Variants in RYR3 observed in about 807,000 individuals in gnomAD.
The protein encoded by RYR3 is ryanodine receptor 3, also known as brain ryanodine receptor-calcium release channel.
RYR3 carries 207 observed loss-of-function variants against 584.3 expected under a neutral mutation model. The observed-to-expected ratio is 0.35, with a 90% CI of 0.32 to 0.40. The LOEUF is 0.40. Among genes scored for constraint, RYR3 ranks in the 10% least tolerant of loss-of-function variants. The probability of loss-of-function intolerance (pLI) is 1.00; values close to 1 mark genes in which losing one functional copy is unlikely to be tolerated. For missense variants in RYR3, 5,616 were observed against 6,089.2 expected, an observed-to-expected ratio of 0.92 and a Z score of 2.59; for synonymous variants, 2,416 against 2,248.5, an observed-to-expected ratio of 1.07 and a Z score of -2.11.
At position 33,631,360 on chromosome 15, in the gene RYR3, G is replaced by T. The variant is rs2061257002; in HGVS notation, c.2867+67G>T. The T allele has an allele frequency of 2.8e-6, 3 of 1,069,970 alleles. No individual in the cohort carries two copies. The Admixed American group carries it at 6.2e-5, about 22-fold the overall frequency. The allele number at this position is 1,069,970 out of a possible 1,614,324, so 66.3% of individuals were successfully genotyped here. Reference sequence around the variant, plus strand: ...CAGCCTGGATTTTTAATCCAGGAGGGTGGTACCAAGACAGACAACAGCCCA... The same window carrying T: ...CAGCCTGGATTTTTAATCCAGGAGGTTGGTACCAAGACAGACAACAGCCCA... On this transcript the variant is annotated intron_variant, in intron 23 of 103. Coordinates refer to ENST00000634891, the MANE Select transcript of RYR3 (RefSeq NM_001036.6).
intron 1 of RYR3, among the ~76,000 whole-genome samples, chr15:33,326,442 C>T (rs569019101): frequency 6.6e-6 from 1 of 152,000 alleles, no homozygotes; most frequent in Non-Finnish European, 1.5e-5. Context: ...ATCTAAGGAA[C>T]TAACAAGAAA....
At chr15:33,573,083 A>T (rs1014197950) in intron 12 of RYR3, among the ~76,000 whole-genome samples, 1 of 150,554 alleles carries the variant, frequency 6.6e-6, no homozygotes, top group African/African-American at 2.4e-5. Context: ...ATTTTGCCCA[A>T]TTTTTTTATT....
At chr15:33,484,747 T>C (rs2050267627) in intron 2 of RYR3, among the ~76,000 whole-genome samples, 1 of 152,090 alleles carries the variant, frequency 6.6e-6, no homozygotes, top group African/African-American at 2.4e-5. Flanking sequence ...ATAGGGCATA[T>C]ATTGGAGGAG....
chr15:33,767,084 A>G (rs916040253), intron 60 of RYR3, among the ~76,000 whole-genome samples: 2 of 152,270 alleles, frequency 1.3e-5, no homozygotes, highest in African/African-American at 2.4e-5. Flanking sequence ...TTTTGTGTTT[A>G]CACAGAACAT....
intron 1 of RYR3, among the ~76,000 whole-genome samples, chr15:33,423,189 A>C (rs1173116520): frequency 2.0e-5 from 3 of 152,072 alleles, no homozygotes; most frequent in African/African-American, 7.2e-5. Context: ...GGTAATCTCA[A>C]ATCTACCTTC....
At chr15:33,374,934 T>G (rs563022608) in intron 1 of RYR3, among the ~76,000 whole-genome samples, 1 of 152,230 alleles carries the variant, frequency 6.6e-6, no homozygotes, top group Admixed American at 6.5e-5. Context: ...TGCTATTTAC[T>G]TTAAAGAACT....
chr15:33,417,754 C>T (rs970145180), intron 1 of RYR3, among the ~76,000 whole-genome samples: 2 of 152,120 alleles, frequency 1.3e-5, no homozygotes, highest in Admixed American at 1.3e-4. Flanking sequence ...ACATCCTTGT[C>T]TTGTTCCGGT....
At chr15:33,688,731 G>A (rs1410996293) in intron 38 of RYR3, among the ~76,000 whole-genome samples, 1 of 152,164 alleles carries the variant, frequency 6.6e-6, no homozygotes, top group Non-Finnish European at 1.5e-5. Context: ...AACAACAGAT[G>A]CTGGAGAGGA....
chr15:33,760,981 AC>A (rs1237644439), intron 60 of RYR3, among the ~76,000 whole-genome samples: 1 of 152,176 alleles, frequency 6.6e-6, no homozygotes, highest in African/African-American at 2.4e-5. Context: ...AAACCAAACA[AC>A]CTACTCCTCA....
Position 33,542,054 on chromosome 15 carries a change from T to C in RYR3, c.646+1164T>C, listed in dbSNP as rs1351926941. 4.6e-5 allele frequency among the ~76,000 whole-genome samples: 7 copies of C among 152,284 alleles called. No individual in the cohort carries two copies. The South Asian group carries it at 1.4e-3, about 32-fold the overall frequency. On this transcript the variant is annotated intron_variant, in intron 7 of 103. Transcript: ENST00000634891. ...AATTAAGGAGTGTTTGCAAATCATG[T>C]CAAAAGGTCCTTATAGAAGTGTTGA...
intron 31 of RYR3, among the ~76,000 whole-genome samples, chr15:33,652,101 G>A (rs1170593823): frequency 6.6e-6 from 1 of 152,246 alleles, no homozygotes; most frequent in East Asian, 1.9e-4. Flanking sequence ...GCTAAGCAAG[G>A]CACCTAAGCT....
rs371642568 is a variant in RYR3 at position 33,757,466 on chromosome 15, G to T, written c.8584-9G>T. On this transcript the variant is annotated splice_polypyrimidine_tract_variant and intron_variant, in intron 59 of 103. Transcript: ENST00000634891. ...CTTCCTAGAAGTTGATTTCTGGTGC[G>T]TTTCCCAGGTTCTCCTCCCGCTGGT... 16 of 1,601,350 alleles carry T rather than the reference G, an allele frequency of 1.0e-5. No individual in the cohort carries two copies. The South Asian group carries it at 1.4e-4, about 14-fold the overall frequency.
rs1287536671 is a variant in RYR3 at position 33,390,643 on chromosome 15, CT to C, written c.51+79549del. On this transcript the variant is annotated intron_variant, in intron 1 of 103. Transcript: ENST00000634891. The surrounding 1 kb of genome is among the most constrained non-coding windows in gnomAD (Gnocchi z 4.2). The stretch of plus-strand genomic sequence containing the variant: ...GGGGGTCTTGGCCGACACCTGGGAA[CT>C]TGGTACTTGTCCCATTCTCTAAGAA... Among the ~76,000 whole-genome samples, 1 of 152,148 alleles carries C rather than the reference CT, an allele frequency of 6.6e-6. No individual in the cohort carries two copies. The highest frequency in any genetic ancestry group is 1.5e-5 in the Non-Finnish European group (1 of 68,032).
intron 38 of RYR3, among the ~76,000 whole-genome samples, chr15:33,677,157 C>G (rs1241534849): frequency 6.6e-6 from 1 of 152,036 alleles, no homozygotes; most frequent in East Asian, 1.9e-4. Flanking sequence ...ATCTGAATTG[C>G]ATTCCGTATC....
rs777398893 is a variant in RYR3 at position 33,662,931 on chromosome 15, G to A, written c.5401G>A (p.Glu1801Lys). 17 of 1,612,180 alleles carry A rather than the reference G, an allele frequency of 1.1e-5. No individual in the cohort carries two copies. The highest frequency in any genetic ancestry group is 2.2e-5 in the East Asian group (1 of 44,878). ...AGGCTTGTTGCAGACTCGATTACCC[G>A]AATCCGTCAAGCTGCAGGTAAGCTG... Reference protein sequence around the residue: ...VKGLLQTRLPESVKLQMCELL... With the variant: ...VKGLLQTRLPKSVKLQMCELL... The change falls in exon 35 of 104, where the codon GAA becomes AAA. Residue 1801 changes from glutamate (E) to lysine (K), a missense_variant. Around this residue, in one of 9 missense-constraint regions of RYR3, gnomAD observed 753 missense variants for 741.0 expected, o/e 1.02. Coordinates refer to ENST00000634891, the MANE Select transcript of RYR3 (RefSeq NM_001036.6).
At chr15:33,833,867 A>AATAT (rs1175210887) in intron 86 of RYR3, among the ~76,000 whole-genome samples, 5 of 152,226 alleles carry the variant, frequency 3.3e-5, no homozygotes, top group Non-Finnish European at 7.3e-5. Context: ...AAATTAGGGT[A>AATAT]ATATATGTGT....
intron 43 of RYR3, among the ~76,000 whole-genome samples, chr15:33,720,728 G>A (rs1351384217): frequency 6.6e-6 from 1 of 152,098 alleles, no homozygotes; most frequent in East Asian, 1.9e-4. Context: ...ACAAAAATTA[G>A]CCAGTTGTGG....
chr15:33,311,444 C>A lies in RYR3; in HGVS notation c.51+348C>A, dbSNP rs1023117452. Among the ~76,000 whole-genome samples the A allele has an allele frequency of 6.6e-6, 1 of 152,204 alleles. No individual in the cohort carries two copies. The highest frequency in any genetic ancestry group is 1.5e-5 in the Non-Finnish European group (1 of 68,042). On this transcript the variant is annotated intron_variant, in intron 1 of 103. Transcript: ENST00000634891. The surrounding 1 kb of genome is among the most constrained non-coding windows in gnomAD (Gnocchi z 4.4). ...TCGCGGTTGTCCTGACCCATAAGAT[C>A]GGCGTTGGAAGCCCTCGCCCCGGGG... is the stretch of plus-strand genomic sequence containing the variant.
chr15:33,725,976 CAAAAAA>C (rs61503360), intron 45 of RYR3, among the ~76,000 whole-genome samples: 439 of 31,498 alleles, frequency 0.014, 13 homozygotes, highest in South Asian at 0.098. Flanking sequence ...TCCCCCCCCC[CAAAAAA>C]AAAAAAAAAA....
Sources: allele counts gnomAD v4.1 joint callset (sites outside exome capture counted in the v4.1 genomes callset), GRCh38; gene constraint gnomAD v4.1.1; regional missense constraint gnomAD v4.1.1; non-coding constraint Gnocchi (gnomAD v3.1); transcripts MANE v1.5; gene names NCBI Gene and HGNC (gene_info 2026-07-23, HGNC 2026-07-21).